KIF27: variants seen among roughly 807,000 people sequenced by gnomAD.
KIF27 encodes kinesin-like protein KIF27.
In KIF27, 84 loss-of-function variants were observed where a neutral mutation model predicts 141.8. That is an observed-to-expected ratio of 0.59 (90% CI 0.50 to 0.71). The LOEUF (loss-of-function observed/expected upper bound fraction) is 0.71. Ranked by LOEUF, KIF27 falls within the 30% of genes least tolerant of loss-of-function variation. KIF27 has a pLI of 0.00. For missense variants in KIF27, 1,306 were observed against 1,628.4 expected, an observed-to-expected ratio of 0.80 and a Z score of 3.41; for synonymous variants, 471 against 569.5, an observed-to-expected ratio of 0.83 and a Z score of 2.46.
intron 5 of KIF27, among the ~76,000 whole-genome samples, chr9:83,898,110 T>C (rs1429311397): frequency 1.3e-5 from 2 of 152,054 alleles, no homozygotes; most frequent in South Asian, 2.1e-4. Flanking sequence ...GAAAGAAATA[T>C]ATGTGCATGT....
chr9:83,886,129 C>G (rs1444769512), intron 9 of KIF27, among the ~76,000 whole-genome samples: 1 of 152,034 alleles, frequency 6.6e-6, no homozygotes, highest in Non-Finnish European at 1.5e-5. Context: ...CCAGTTGACC[C>G]CTCTTAGGAG....
chr9:83,903,568 CAT>C lies in KIF27; in HGVS notation c.948_949del (p.Val318GlnfsTer8), dbSNP rs779882428. 1.9e-6 allele frequency: 3 copies of C among 1,614,200 alleles called. No individual in the cohort carries two copies. Among genetic ancestry groups the C allele is most frequent in the Non-Finnish European group, 2.5e-6 (3 of 1,180,034 alleles). ...AAAATTCGAGGAGGAGGGGCTGACA[CAT>C]GTGATCATGACAGTCTTAGCACTGC... On this transcript the variant is annotated frameshift_variant, in exon 4 of 18. Transcript: ENST00000297814. LOFTEE classifies it high-confidence loss of function.
intron 6 of KIF27, among the ~76,000 whole-genome samples, chr9:83,890,113 T>C (rs1009923475): frequency 3.3e-5 from 5 of 152,232 alleles, no homozygotes; most frequent in Non-Finnish European, 2.9e-5. Context: ...AATTATAACA[T>C]ATAGTGGAAT....
At chr9:83,904,064 C>G (rs780022614) in intron 3 of KIF27, 46 bp from the exon 4 acceptor site, 11 of 1,458,524 alleles carry the variant, frequency 7.5e-6, no homozygotes, top group Middle Eastern at 1.8e-4. Context: ...TTCATCAAAA[C>G]CTAGTATAGT....
chr9:83,862,966 GCTCT>G (rs1283479552), intron 13 of KIF27, among the ~76,000 whole-genome samples: 12 of 152,146 alleles, frequency 7.9e-5, no homozygotes, highest in Admixed American at 1.3e-4. Flanking sequence ...TCATGATTGG[GCTCT>G]CTGTTTGTCT....
chr9:83,903,283 T>A lies in KIF27; in HGVS notation c.1235A>T (p.Gln412Leu). 6.2e-7 allele frequency: 1 copy of A among 1,614,210 alleles called. No individual in the cohort carries two copies. The highest frequency in any genetic ancestry group is 8.5e-7 in the Non-Finnish European group (1 of 1,180,032). ...AQLQGECLGYQCCVEEAFTFL... is the reference protein window; with the variant it reads ...AQLQGECLGYLCCVEEAFTFL... The stretch of plus-strand genomic sequence containing the variant: ...GGTAAAGGCTTCTTCTACACAACAC[T>A]GGTAACCCAGACATTCTCCTTGAAG... The change falls in exon 4 of 18, where the codon CAG (glutamine) becomes CTG (leucine). Residue 412 changes from glutamine to leucine, a missense_variant. Transcript: ENST00000297814.
chr9:83,899,831 C>T (rs1953674062), intron 4 of KIF27, 27 bp from the exon 5 acceptor site: 1 of 1,579,486 alleles, frequency 6.3e-7, no homozygotes, highest in Non-Finnish European at 8.6e-7. Flanking sequence ...GCACAAGTGA[C>T]ATTCACCACA....
intron 8 of KIF27, among the ~76,000 whole-genome samples, 194 bp from the exon 9 acceptor site, chr9:83,887,390 A>G (rs1952206593): frequency 6.6e-6 from 1 of 152,200 alleles, no homozygotes; most frequent in Non-Finnish European, 1.5e-5. Flanking sequence ...AAGAGTTTTT[A>G]TTTTCTTACA....
At chr9:83,849,913 G>A (rs540350224) in intron 16 of KIF27, among the ~76,000 whole-genome samples, 186 bp downstream of exon 16, 4 of 152,280 alleles carry the variant, frequency 2.6e-5, no homozygotes, top group Non-Finnish European at 4.4e-5. Context: ...TTCCAAGCAC[G>A]AATAGCCCTA....
intron 13 of KIF27, 112 bp from the exon 14 acceptor site, chr9:83,859,483 T>C (rs1247743807): frequency 1.4e-5 from 10 of 725,080 alleles, no homozygotes; most frequent in Non-Finnish European, 2.0e-5. Context: ...TTTTAGTTTT[T>C]ATATTATTGT....
At chr9:83,876,599 A>G (rs1951219471) in intron 11 of KIF27, among the ~76,000 whole-genome samples, 3 of 152,252 alleles carry the variant, frequency 2.0e-5, no homozygotes, top group Admixed American at 2.0e-4. Flanking sequence ...GGGGCTCTGA[A>G]GAGCCAAAAT....
intron 10 of KIF27, among the ~76,000 whole-genome samples, chr9:83,881,633 A>C (rs574711548): frequency 1.3e-5 from 2 of 152,374 alleles, no homozygotes; most frequent in South Asian, 4.1e-4. Context: ...ATCTCATCAC[A>C]GAACAAGAAC....
chr9:83,911,123 G>A (rs1017071420), intron 2 of KIF27, among the ~76,000 whole-genome samples: 2 of 152,158 alleles, frequency 1.3e-5, no homozygotes, highest in African/African-American at 4.8e-5. Context: ...CTGGAGTGCA[G>A]TGGCACAATC....
chr9:83,844,079 T>G (rs1436520472), intron 16 of KIF27, among the ~76,000 whole-genome samples: 1 of 152,046 alleles, frequency 6.6e-6, no homozygotes, highest in African/African-American at 2.4e-5. Context: ...AACCATCTCA[T>G]CAGCTGCCAG....
At chr9:83,860,842 G>A (rs1949817638) in intron 13 of KIF27, among the ~76,000 whole-genome samples, 1 of 150,762 alleles carries the variant, frequency 6.6e-6, no homozygotes, top group African/African-American at 2.4e-5. Flanking sequence ...TTTTTGTGGA[G>A]CACATTCTCT....
chr9:83,877,434 G>T (rs535016647), intron 11 of KIF27, among the ~76,000 whole-genome samples: 42 of 152,082 alleles, frequency 2.8e-4, no homozygotes, highest in Non-Finnish European at 5.9e-4. Context: ...TTCAACAGAT[G>T]GTACTGGTAC....
chr9:83,911,690 C>A (rs1320601884), intron 2 of KIF27, among the ~76,000 whole-genome samples: 2 of 152,124 alleles, frequency 1.3e-5, no homozygotes, highest in Admixed American at 1.3e-4. Flanking sequence ...TACAGGCGCA[C>A]ACCACCACGT....
intron 1 of KIF27, among the ~76,000 whole-genome samples, chr9:83,918,559 C>T (rs1245233749): frequency 6.6e-6 from 1 of 152,112 alleles, no homozygotes; most frequent in Non-Finnish European, 1.5e-5. Flanking sequence ...TCCGAAAAGG[C>T]AGTTCTTCAA....
At chr9:83,851,956 C>T (rs1948637372) in intron 15 of KIF27, among the ~76,000 whole-genome samples, 1 of 150,928 alleles carries the variant, frequency 6.6e-6, no homozygotes, top group African/African-American at 2.4e-5. Context: ...GGTGAAACCC[C>T]ATCTCTACTA....
Sources: allele counts gnomAD v4.1 joint callset (sites outside exome capture counted in the v4.1 genomes callset), GRCh38; gene constraint gnomAD v4.1.1; transcripts MANE v1.5; gene names NCBI Gene and HGNC (gene_info 2026-07-23, HGNC 2026-07-21).